FGF12: variants seen among roughly 807,000 people sequenced by gnomAD.
FGF12 encodes fibroblast growth factor 12.
A neutral mutation model predicts 23.6 loss-of-function variants in FGF12; 14 were observed. The observed-to-expected ratio is 0.59, with a 90% confidence interval of 0.39 to 0.93. FGF12 has a LOEUF of 0.93. Among genes scored for constraint, FGF12 ranks in the 40% least tolerant of loss-of-function variants. The probability of loss-of-function intolerance (pLI) is 0.00; values close to 1 mark genes in which losing one functional copy is unlikely to be tolerated. For missense variants in FGF12, 175 were observed against 217.8 expected (o/e 0.80, Z 1.24); for synonymous variants, 62 against 77.3 (o/e 0.80, Z 1.04).
intron 4 of FGF12, among the ~76,000 whole-genome samples, chr3:192,287,185 C>T (rs919857095): frequency 6.6e-6 from 1 of 151,960 alleles, no homozygotes; most frequent in Non-Finnish European, 1.5e-5. Flanking sequence ...ATCACATCGA[C>T]TACCATAATA....
chr3:192,171,869 G>A (rs950510092), intron 4 of FGF12, among the ~76,000 whole-genome samples: 1 of 140,048 alleles, frequency 7.1e-6, no homozygotes, highest in African/African-American at 2.6e-5. Flanking sequence ...CTTATTTGTA[G>A]AGAGTGCTCT....
At chr3:192,309,924 T>G (rs984235671) in intron 4 of FGF12, among the ~76,000 whole-genome samples, 3 of 152,240 alleles carry the variant, frequency 2.0e-5, no homozygotes, top group Non-Finnish European at 4.4e-5. Context: ...AGAGTACTTC[T>G]TCTTTTACTC....
intron 4 of FGF12, among the ~76,000 whole-genome samples, chr3:192,295,730 T>G (rs992993610): frequency 1.3e-5 from 2 of 152,168 alleles, no homozygotes; most frequent in African/African-American, 4.8e-5. Context: ...GAATCTCAAA[T>G]AAAATCAAAT....
At chr3:192,178,336 A>G (rs2108629619) in intron 4 of FGF12, among the ~76,000 whole-genome samples, 1 of 152,268 alleles carries the variant, frequency 6.6e-6, no homozygotes, top group East Asian at 1.9e-4. Flanking sequence ...TAATAAGCAA[A>G]CAAAGAAAAA....
At chr3:192,610,541 G>T (rs1230225869) in intron 2 of FGF12, among the ~76,000 whole-genome samples, 1 of 151,910 alleles carries the variant, frequency 6.6e-6, no homozygotes, top group Non-Finnish European at 1.5e-5. Flanking sequence ...TATTGCAATT[G>T]CTTTCTGCCT....
At chr3:192,174,399 A>G (rs1247329379) in intron 4 of FGF12, among the ~76,000 whole-genome samples, 1 of 152,016 alleles carries the variant, frequency 6.6e-6, no homozygotes, top group East Asian at 1.9e-4. Flanking sequence ...ATGAAAAGCC[A>G]AGTGGAGTTT....
chr3:192,664,696 C>T (rs765205539), intron 2 of FGF12, among the ~76,000 whole-genome samples: 6 of 151,276 alleles, frequency 4.0e-5, no homozygotes, highest in South Asian at 2.1e-4. Context: ...ACCTGGGAGG[C>T]GGAGGTTGCA....
chr3:192,627,700 A>C (rs147957937), intron 2 of FGF12, among the ~76,000 whole-genome samples: 1 of 152,194 alleles, frequency 6.6e-6, no homozygotes, highest in African/African-American at 2.4e-5. Context: ...TTCACATGCA[A>C]CTGTAAGAAA....
At chr3:192,485,848 C>T (rs1480048937) in intron 2 of FGF12, among the ~76,000 whole-genome samples, 1 of 152,034 alleles carries the variant, frequency 6.6e-6, no homozygotes, top group Non-Finnish European at 1.5e-5. Flanking sequence ...TGTCATTAAA[C>T]ATTAAATTAA....
chr3:192,266,771 A>C (rs1196794454), intron 4 of FGF12, among the ~76,000 whole-genome samples: 1 of 151,590 alleles, frequency 6.6e-6, no homozygotes, highest in Admixed American at 6.6e-5. Flanking sequence ...GTTCTTTTCA[A>C]AAGTCAATTT....
chr3:192,178,732 A>C (rs1716000522), intron 4 of FGF12, among the ~76,000 whole-genome samples: 1 of 152,194 alleles, frequency 6.6e-6, no homozygotes, highest in South Asian at 2.1e-4. Flanking sequence ...TCCTGACCTC[A>C]GACAATCCGT....
intron 2 of FGF12, among the ~76,000 whole-genome samples, chr3:192,568,289 T>C: frequency 6.6e-6 from 1 of 152,312 alleles, no homozygotes; most frequent in East Asian, 1.9e-4. Flanking sequence ...GGGAAATCTT[T>C]TAAGGCCACC....
Position 192,514,616 on chromosome 3 carries a change from G to C in FGF12, c.14-154078C>G, listed in dbSNP as rs1163215127. 1 of 843,546 alleles carries C rather than the reference G, an allele frequency of 1.2e-6. No individual in the cohort carries two copies. Among genetic ancestry groups the C allele is most frequent in the Non-Finnish European group, 1.4e-6 (1 of 700,518 alleles). 52.3% of individuals were successfully genotyped at this position (843,546 alleles called of 1,614,324 possible). On this transcript the variant is annotated intron_variant, in intron 2 of 5. Transcript: ENST00000445105. This position sits in a 1 kb window ranked among gnomAD's most constrained non-coding sequence, Gnocchi z 4.9. ...CGGCGGAGAGGGCCCCGGAAGAAGG[G>C]AAGGGGGCATTCTGCAGTGTTTGGG...
chr3:192,252,462 C>CAAAAA (rs56920518), intron 4 of FGF12, among the ~76,000 whole-genome samples: 786 of 27,594 alleles, frequency 0.028, 19 homozygotes, highest in Middle Eastern at 0.05. Flanking sequence ...GAATCTGTCT[C>CAAAAA]AAAAAAAAAA....
intron 2 of FGF12, among the ~76,000 whole-genome samples, chr3:192,689,991 G>C (rs1276500025): frequency 1.3e-5 from 2 of 152,024 alleles, no homozygotes; most frequent in African/African-American, 4.8e-5. Flanking sequence ...CCAAGTGAGA[G>C]TGATGATGTA....
chr3:192,594,823 A>T (rs1399838947), intron 2 of FGF12, among the ~76,000 whole-genome samples: 1 of 151,914 alleles, frequency 6.6e-6, no homozygotes, highest in Non-Finnish European at 1.5e-5. Flanking sequence ...GTAAGAAATA[A>T]ATTTGTTTAT....
At chr3:192,356,083 A>G (rs1358647229) in intron 3 of FGF12, among the ~76,000 whole-genome samples, 1 of 152,122 alleles carries the variant, frequency 6.6e-6, no homozygotes, top group Non-Finnish European at 1.5e-5. Context: ...CCACATACTT[A>G]TCTTACCTAT....
At chr3:192,459,359 C>T (rs576256924) in intron 2 of FGF12, among the ~76,000 whole-genome samples, 4 of 152,300 alleles carry the variant, frequency 2.6e-5, no homozygotes, top group South Asian at 2.1e-4. Context: ...GCATTTCCTA[C>T]ATCTGATTCT....
chr3:192,341,065 T>G (rs1349157738), intron 3 of FGF12, among the ~76,000 whole-genome samples: 2 of 152,074 alleles, frequency 1.3e-5, no homozygotes, highest in Admixed American at 1.3e-4. Flanking sequence ...GTATATCTGG[T>G]GGGGGTTCAA....
Sources: allele counts gnomAD v4.1 joint callset (sites outside exome capture counted in the v4.1 genomes callset), GRCh38; gene constraint gnomAD v4.1.1; non-coding constraint Gnocchi (gnomAD v3.1); transcripts MANE v1.5; gene names NCBI Gene and HGNC (gene_info 2026-07-23, HGNC 2026-07-21).